The following ZFR variants were observed in gnomAD, a reference collection of about 807,000 sequenced individuals.
ZFR encodes zinc finger RNA-binding protein.
Under a neutral mutation model 130.7 loss-of-function variants are expected in ZFR, and 19 were observed. The ratio of observed to expected loss-of-function variants is 0.15; its 90% CI spans 0.10 to 0.21. The LOEUF (loss-of-function observed/expected upper bound fraction) is 0.21, where lower values mean the gene tolerates loss of function less well. ZFR is among the 10% of genes least tolerant of loss of function. The probability of loss-of-function intolerance (pLI) is 1.00; values close to 1 mark genes in which losing one functional copy is unlikely to be tolerated. For missense variants in ZFR, 872 were observed against 1,321.5 expected (o/e 0.66, Z 5.27); for synonymous variants, 466 against 456.9 (o/e 1.02, Z -0.25).
Position 32,403,221 on chromosome 5 carries a change from C to G in ZFR, c.1401G>C (p.Lys467Asn). The G allele has an allele frequency of 1.2e-6, 2 of 1,614,208 alleles. No individual in the cohort carries two copies. The stretch of plus-strand genomic sequence containing the variant: ...ACGAGTTTCCTGTAGTCGTAAGACC[C>G]TTCATTGAAGACGTTGCAACTGATG... ...NTSSVATSSMKGLTTTGNSSL... is the reference protein window; with the variant it reads ...NTSSVATSSMNGLTTTGNSSL... The change falls in exon 8 of 20, where the codon AAG becomes AAC. Residue 467 changes from lysine to asparagine, a missense_variant. Lys to Asn is a moderately conservative substitution (Grantham distance 94). Transcript: ENST00000265069.
intron 17 of ZFR, among the ~76,000 whole-genome samples, chr5:32,368,193 C>T (rs1204762069): frequency 6.6e-6 from 1 of 151,922 alleles, no homozygotes; most frequent in African/African-American, 2.4e-5. Flanking sequence ...GAGTGTAAAC[C>T]AGTAAAATCT....
At chr5:32,420,202 T>C (rs1038225847) in intron 2 of ZFR, 99 bp from the exon 3 acceptor site, 13 of 1,312,580 alleles carry the variant, frequency 9.9e-6, no homozygotes, top group Admixed American at 3.2e-5. Flanking sequence ...AAAAGCACAT[T>C]TTCAAGTAAT....
chr5:32,440,384 A>C (rs1754441919), intron 2 of ZFR, among the ~76,000 whole-genome samples: 1 of 152,234 alleles, frequency 6.6e-6, no homozygotes, highest in African/African-American at 2.4e-5. Flanking sequence ...GCGGTGGCTC[A>C]TGCCTGTAAT....
chr5:32,378,247 A>G (rs1752867026), intron 17 of ZFR, among the ~76,000 whole-genome samples: 1 of 152,222 alleles, frequency 6.6e-6, no homozygotes, highest in African/African-American at 2.4e-5. Flanking sequence ...TTGTAAACCT[A>G]AATGTCTATC....
At chr5:32,432,547 C>T (rs1464639704) in intron 2 of ZFR, among the ~76,000 whole-genome samples, 2 of 152,034 alleles carry the variant, frequency 1.3e-5, no homozygotes, top group Non-Finnish European at 2.9e-5. Flanking sequence ...TATAGCTGGT[C>T]TCAAACTCCT....
At chr5:32,405,333 C>A (rs1214358769) in intron 6 of ZFR, among the ~76,000 whole-genome samples, 1 of 152,236 alleles carries the variant, frequency 6.6e-6, no homozygotes, top group Non-Finnish European at 1.5e-5. Flanking sequence ...GCTGAATCAA[C>A]TTACTCTTTT....
chr5:32,381,575 A>C (rs552525207), intron 15 of ZFR, among the ~76,000 whole-genome samples: 91 of 152,320 alleles, frequency 6.0e-4, no homozygotes, highest in Middle Eastern at 3.4e-3. Flanking sequence ...TTATCTTAAG[A>C]GTACTAGCTG....
chr5:32,388,875 T>TGTAC (rs1225530740), intron 12 of ZFR, among the ~76,000 whole-genome samples: 1 of 147,220 alleles, frequency 6.8e-6, no homozygotes, highest in Non-Finnish European at 1.5e-5. Context: ...CATGCATGCA[T>TGTAC]GTACACCCAC....
intron 4 of ZFR, among the ~76,000 whole-genome samples, chr5:32,417,135 T>A (rs1307718301): frequency 7.6e-6 from 1 of 131,956 alleles, no homozygotes; most frequent in Non-Finnish European, 1.6e-5. Flanking sequence ...AAAAAAAAAA[T>A]CCATCTTTTA....
intron 2 of ZFR, among the ~76,000 whole-genome samples, chr5:32,429,046 C>T (rs575562855): frequency 1.0e-3 from 141 of 136,764 alleles, no homozygotes; most frequent in African/African-American, 3.6e-3. Context: ...AGTGCAGTGG[C>T]GTGATCTCGG....
rs143946666 is a variant in ZFR, at chr5:32,375,688, C to G, written c.2835+3427G>C. 1.6e-3 allele frequency among the ~76,000 whole-genome samples: 250 copies of G among 151,976 alleles called. 1 individual carries two copies. The highest frequency in any genetic ancestry group is 5.7e-3 in the African/African-American group (237 of 41,472). On this transcript the variant is annotated intron_variant, in intron 17 of 19. Transcript: ENST00000265069. ...TGCCGGGCTAATTTTTCTATCTTTT[C>G]TAGAGAAAGGGTTTCACCATGTTGC...
intron 2 of ZFR, among the ~76,000 whole-genome samples, chr5:32,431,768 GAAAA>G (rs35866437): frequency 8.1e-6 from 1 of 123,762 alleles, no homozygotes; most frequent in Admixed American, 8.1e-5. Flanking sequence ...ATATAACATT[GAAAA>G]AAAAAAAAAA....
intron 9 of ZFR, among the ~76,000 whole-genome samples, chr5:32,398,804 G>T (rs907984816): frequency 3.3e-5 from 5 of 151,616 alleles, no homozygotes; most frequent in African/African-American, 1.2e-4. Flanking sequence ...GTGCCTCAGC[G>T]TCCCGAGTAG....
At chr5:32,433,548 C>T (rs1754266906) in intron 2 of ZFR, among the ~76,000 whole-genome samples, 1 of 152,124 alleles carries the variant, frequency 6.6e-6, no homozygotes, top group South Asian at 2.1e-4. Flanking sequence ...GGTCAAAATA[C>T]AATCCATAAA....
intron 17 of ZFR, among the ~76,000 whole-genome samples, chr5:32,370,236 A>AT (rs571150159): frequency 2.2e-3 from 338 of 151,296 alleles, no homozygotes; most frequent in African/African-American, 6.3e-3. Flanking sequence ...ACAATAACAG[A>AT]TTTTTTTGCT....
Position 32,426,340 on chromosome 5 carries a change from G to A in ZFR, c.138-6237C>T, listed in dbSNP as rs1754071517. Among the ~76,000 whole-genome samples, 5 of 151,248 alleles carry A rather than the reference G, an allele frequency of 3.3e-5. 1 individual carries two copies. The South Asian group carries it at 1.0e-3, about 31-fold the overall frequency. ...TAATAAAATGGAAGACAAAACCCAA[G>A]CGATCATCTCAATAGCATTTGACAA... On this transcript the variant is annotated intron_variant, in intron 2 of 19. Transcript: ENST00000265069.
chr5:32,360,413 C>G (rs1752406826), intron 19 of ZFR, among the ~76,000 whole-genome samples: 1 of 152,196 alleles, frequency 6.6e-6, no homozygotes, highest in Non-Finnish European at 1.5e-5. Flanking sequence ...GCCCTGAGAA[C>G]TACCACTGCC....
intron 17 of ZFR, 80 bp from the exon 18 acceptor site, chr5:32,364,355 A>G (rs750868644): frequency 8.9e-7 from 1 of 1,119,250 alleles, no homozygotes; most frequent in Non-Finnish European, 1.3e-6. Flanking sequence ...TAAAGACTGA[A>G]AAAATTTTAA....
chr5:32,420,022 A>T lies in ZFR; in HGVS notation c.219T>A (p.Ala73=). 6.2e-7 allele frequency: 1 copy of T among 1,613,738 alleles called. No homozygotes were observed. The highest frequency in any genetic ancestry group is 8.5e-7 in the Non-Finnish European group (1 of 1,180,024). ...SYTVHQAPVA[A]HTVTAAYAPA... is the part of the protein sequence containing the mutation. ...GTGCATAGGCAGCAGTAACTGTGTG[A>T]GCAGCTACTGGAGCCTGATGGACAG... The change falls in exon 3 of 20, where the codon GCT becomes GCA. Residue 73 remains alanine, a synonymous_variant. Transcript: ENST00000265069.
Sources: gnomAD v4.1 joint callset for allele counts (sites outside exome capture counted in the v4.1 genomes callset) on GRCh38, gnomAD v4.1.1 for gene constraint, MANE v1.5 for transcripts, NCBI Gene and HGNC (gene_info 2026-07-23, HGNC 2026-07-21) for gene names.